The following PRKCB variants were observed in gnomAD, a reference collection of about 807,000 sequenced individuals.
The protein encoded by PRKCB is protein kinase C beta.
A neutral mutation model predicts 81.5 loss-of-function variants in PRKCB; 13 were observed. That is an observed-to-expected ratio of 0.16 (90% CI 0.10 to 0.25). The LOEUF is 0.25. Ranked by LOEUF, PRKCB falls within the 10% of genes least tolerant of loss-of-function variation. PRKCB has a pLI of 1.00. For missense variants in PRKCB, 509 were observed against 875.7 expected, an observed-to-expected ratio of 0.58 and a Z score of 5.29; for synonymous variants, 335 against 321.4, an observed-to-expected ratio of 1.04 and a Z score of -0.45.
intron 2 of PRKCB, among the ~76,000 whole-genome samples, chr16:23,922,593 G>A (rs1963842067): frequency 6.6e-6 from 1 of 152,192 alleles, no homozygotes; most frequent in Admixed American, 6.5e-5. Context: ...TCTTGGAAAT[G>A]TCAACTTTGA....
chr16:24,054,477 A>AGT (rs1965881237), intron 5 of PRKCB, among the ~76,000 whole-genome samples: 2 of 152,226 alleles, frequency 1.3e-5, no homozygotes. Context: ...ATAGCTGATA[A>AGT]GTGCTGGTGC....
At chr16:24,011,252 C>G (rs985109670) in intron 3 of PRKCB, among the ~76,000 whole-genome samples, 3 of 152,150 alleles carry the variant, frequency 2.0e-5, no homozygotes, top group Admixed American at 2.0e-4. Flanking sequence ...CTCACTGTTT[C>G]TATCTATTGA....
chr16:24,065,509 C>T (rs1966022615), intron 5 of PRKCB, among the ~76,000 whole-genome samples: 1 of 152,172 alleles, frequency 6.6e-6, no homozygotes, highest in Non-Finnish European at 1.5e-5. Flanking sequence ...CTACCATACA[C>T]ATTGTAATTT....
At chr16:24,097,716 T>C (rs1966461659) in intron 7 of PRKCB, among the ~76,000 whole-genome samples, 1 of 152,150 alleles carries the variant, frequency 6.6e-6, no homozygotes, top group South Asian at 2.1e-4. Context: ...CATCAATCAA[T>C]ACATGTGAGA....
At position 23,836,123 on chromosome 16, in the gene PRKCB, G is replaced by C; in HGVS notation, c.-53G>C. The C allele has an allele frequency of 8.3e-7, 1 of 1,200,030 alleles. No individual in the cohort carries two copies. The highest frequency in any genetic ancestry group is 1.0e-6 in the Non-Finnish European group (1 of 959,178). 74.3% of individuals were successfully genotyped at this position (1,200,030 alleles called of 1,614,324 possible). A position where few individuals can be genotyped will look rare whatever the true frequency, so the allele number is the denominator to read the frequency against. The stretch of plus-strand genomic sequence containing the variant: ...GCGCCTCCCCGGCCCGCAGCCCGCG[G>C]TCCCGCGGCCCCGGGGCCGGCACCT... On this transcript the variant is annotated 5_prime_UTR_variant, in exon 1 of 17. Transcript: ENST00000643927.
chr16:24,203,330 C>T (rs968262953), intron 16 of PRKCB: 1 of 151,674 alleles, frequency 6.6e-6, no homozygotes, highest in Non-Finnish European at 1.5e-5. Flanking sequence ...AGTACAAGAT[C>T]AGGGGCTGTA....
chr16:24,149,108 C>T (rs1967036940), intron 9 of PRKCB, among the ~76,000 whole-genome samples: 1 of 152,132 alleles, frequency 6.6e-6, no homozygotes, highest in African/African-American at 2.4e-5. Flanking sequence ...ACCAGGGTTT[C>T]TTCATGGGGT....
intron 2 of PRKCB, among the ~76,000 whole-genome samples, chr16:23,955,908 A>G (rs910343647): frequency 6.6e-6 from 1 of 152,172 alleles, no homozygotes; most frequent in Non-Finnish European, 1.5e-5. Context: ...CTTGATTCAT[A>G]GAATGTTTTC....
At chr16:24,198,911 A>T (rs1378568141) in intron 16 of PRKCB, among the ~76,000 whole-genome samples, 1 of 152,120 alleles carries the variant, frequency 6.6e-6, no homozygotes, top group African/African-American at 2.4e-5. Context: ...TCTAGACATC[A>T]CTACAATGCT....
At position 24,022,876 on chromosome 16, in the gene PRKCB, C is replaced by T. The variant is rs907654895; in HGVS notation, c.289-9260C>T. Among the ~76,000 whole-genome samples, 25 of 152,124 alleles carry T rather than the reference C, an allele frequency of 1.6e-4. 1 individual carries two copies. Among genetic ancestry groups the T allele is most frequent in the Admixed American group, 1.2e-3 (18 of 15,278 alleles). ...TTCTAAGAAGCACCTTGTTGGCCAACGGTAGCTTCTTTACAGGCTTGATAT... is the reference window on the plus strand; with the variant it reads ...TTCTAAGAAGCACCTTGTTGGCCAATGGTAGCTTCTTTACAGGCTTGATAT... On this transcript the variant is annotated intron_variant, in intron 3 of 16. Transcript: ENST00000643927.
At chr16:24,192,692 CTATCAGTATGCAG>C (rs969441152) in intron 16 of PRKCB, among the ~76,000 whole-genome samples, 2 of 152,286 alleles carry the variant, frequency 1.3e-5, no homozygotes, top group African/African-American at 4.8e-5. Flanking sequence ...AGTGTGCTGT[CTATCAGTATGCAG>C]TATCAGTATG....
At chr16:23,860,379 G>T (rs1234427916) in intron 2 of PRKCB, among the ~76,000 whole-genome samples, 2 of 152,242 alleles carry the variant, frequency 1.3e-5, no homozygotes, top group African/African-American at 4.8e-5. Context: ...TTATGCGTTG[G>T]GTATGTTGAG....
At chr16:24,114,111 C>T (rs537545014) in intron 8 of PRKCB, among the ~76,000 whole-genome samples, 10 of 150,568 alleles carry the variant, frequency 6.6e-5, no homozygotes, top group African/African-American at 2.2e-4. Context: ...ACCAGCTACT[C>T]GGAAGGCTGA....
intron 2 of PRKCB, among the ~76,000 whole-genome samples, chr16:23,963,545 C>T (rs1964451933): frequency 6.6e-6 from 1 of 152,174 alleles, no homozygotes; most frequent in South Asian, 2.1e-4. Flanking sequence ...TGATGTTTCC[C>T]TTGCTGCACA....
chr16:23,878,867 C>T (rs181832866), intron 2 of PRKCB, among the ~76,000 whole-genome samples: 1 of 152,072 alleles, frequency 6.6e-6, no homozygotes, highest in Non-Finnish European at 1.5e-5. Context: ...GCACAGCCTG[C>T]GTCCTTAAGA....
intron 5 of PRKCB, among the ~76,000 whole-genome samples, chr16:24,061,472 C>T (rs796886648): frequency 6.6e-4 from 100 of 152,276 alleles, no homozygotes; most frequent in African/African-American, 2.3e-3. Flanking sequence ...GAAGTGCCTT[C>T]CTGTGGGAGT....
chr16:23,876,729 C>CTAA (rs77465626), intron 2 of PRKCB, among the ~76,000 whole-genome samples: 118,103 of 151,752 alleles, frequency 0.78, 46,096 homozygotes, highest in East Asian at 0.98. Context: ...AAGAGTTGAA[C>CTAA]TAATTTAAGG....
chr16:23,919,629 C>CT (rs780995040), intron 2 of PRKCB, among the ~76,000 whole-genome samples: 1 of 152,192 alleles, frequency 6.6e-6, no homozygotes, highest in Non-Finnish European at 1.5e-5. Flanking sequence ...CTCAAAAACT[C>CT]TATCATTTCT....
At chr16:24,090,673 C>A (rs146378774) in intron 5 of PRKCB, among the ~76,000 whole-genome samples, 1 of 151,892 alleles carries the variant, frequency 6.6e-6, no homozygotes, top group African/African-American at 2.4e-5. Context: ...AATGGACTGA[C>A]GAATAGGGGA....
Sources: allele counts gnomAD v4.1 joint callset (sites outside exome capture counted in the v4.1 genomes callset), GRCh38; gene constraint gnomAD v4.1.1; transcripts MANE v1.5; gene names NCBI Gene and HGNC (gene_info 2026-07-23, HGNC 2026-07-21).